EXOC6B: variants seen among roughly 807,000 people sequenced by gnomAD.
The protein encoded by EXOC6B is exocyst complex component 6B.
Under a neutral mutation model 113.5 loss-of-function variants are expected in EXOC6B, and 54 were observed. The ratio of observed to expected loss-of-function variants is 0.48; its 90% CI spans 0.38 to 0.60. The LOEUF is 0.60. Among genes scored for constraint, EXOC6B ranks in the 20% least tolerant of loss-of-function variants. EXOC6B has a pLI of 0.00. For missense variants in EXOC6B, 797 were observed against 977.5 expected (o/e 0.82, Z 2.46); for synonymous variants, 357 against 339.0 (o/e 1.05, Z -0.58).
In EXOC6B at chr2:72,266,228, T is replaced by C. The variant is rs1307625580; in HGVS notation, c.2196+68719A>G. On this transcript the variant is annotated intron_variant, in intron 20 of 21. Transcript: ENST00000272427. ...TTGCCTGTTCACTCTGATGGTAGTT[T>C]CTTTTGCTGTGCAGAAGCTCTTTAG... 1.1e-3 allele frequency among the ~76,000 whole-genome samples: 167 copies of C among 150,962 alleles called. 1 individual carries two copies. The highest frequency in any genetic ancestry group is 6.9e-3 in the Middle Eastern group (2 of 288).
chr2:72,605,969 T>C (rs1036115032), intron 6 of EXOC6B, among the ~76,000 whole-genome samples: 1 of 152,142 alleles, frequency 6.6e-6, no homozygotes, highest in Non-Finnish European at 1.5e-5. Flanking sequence ...TATATGACTT[T>C]AGATAAAATG....
At chr2:72,434,989 T>G (rs1430943875) in intron 18 of EXOC6B, among the ~76,000 whole-genome samples, 1 of 152,190 alleles carries the variant, frequency 6.6e-6, no homozygotes, top group Non-Finnish European at 1.5e-5. Flanking sequence ...TTCTTTTAAT[T>G]GTGATGTTAG....
intron 17 of EXOC6B, among the ~76,000 whole-genome samples, chr2:72,472,023 T>G (rs971456811): frequency 6.6e-6 from 1 of 152,186 alleles, no homozygotes. Flanking sequence ...AAGTTTCACA[T>G]TTACTTATTT....
At chr2:72,479,639 G>A (rs531993167) in intron 17 of EXOC6B, among the ~76,000 whole-genome samples, 2 of 152,252 alleles carry the variant, frequency 1.3e-5, no homozygotes, top group Admixed American at 1.3e-4. Flanking sequence ...TATTTTTAAT[G>A]TTTGAGATGT....
At chr2:72,506,377 C>G (rs1288748084) in intron 11 of EXOC6B, among the ~76,000 whole-genome samples, 3 of 152,030 alleles carry the variant, frequency 2.0e-5, no homozygotes, top group Non-Finnish European at 4.4e-5. Context: ...CCCTTTCCAG[C>G]TTAATGGGGG....
chr2:72,465,029 A>C, intron 18 of EXOC6B, 131 bp downstream of exon 18: 1 of 711,284 alleles, frequency 1.4e-6, no homozygotes, highest in Non-Finnish European at 2.4e-6. Flanking sequence ...AAGGTTAATA[A>C]ATATAGCATG....
At chr2:72,410,002 C>G (rs185049459) in intron 18 of EXOC6B, among the ~76,000 whole-genome samples, 2 of 152,286 alleles carry the variant, frequency 1.3e-5, no homozygotes, top group Admixed American at 1.3e-4. Flanking sequence ...AGGTGAGGGA[C>G]AAGCGCAAGT....
intron 18 of EXOC6B, among the ~76,000 whole-genome samples, chr2:72,416,102 G>C (rs1032475004): frequency 1.3e-5 from 2 of 152,170 alleles, no homozygotes; most frequent in Non-Finnish European, 2.9e-5. Flanking sequence ...TCATGGCAGA[G>C]GGATGACAGC....
At chr2:72,286,983 G>A (rs1685472517) in intron 20 of EXOC6B, among the ~76,000 whole-genome samples, 1 of 152,160 alleles carries the variant, frequency 6.6e-6, no homozygotes. Flanking sequence ...CTAAAAATGT[G>A]TCTCAGGAAA....
chr2:72,782,626 T>C (rs1482100028), intron 1 of EXOC6B, among the ~76,000 whole-genome samples: 2 of 152,200 alleles, frequency 1.3e-5, no homozygotes, highest in African/African-American at 4.8e-5. Context: ...TTAAAACTTA[T>C]TCCTTCTAAC....
chr2:72,710,933 A>T (rs1009283908), intron 6 of EXOC6B, among the ~76,000 whole-genome samples: 1 of 152,190 alleles, frequency 6.6e-6, no homozygotes, highest in Non-Finnish European at 1.5e-5. Flanking sequence ...TAATCTGGCA[A>T]AGGCAAGTTA....
intron 16 of EXOC6B, among the ~76,000 whole-genome samples, chr2:72,491,356 C>T (rs1445498543): frequency 6.6e-6 from 1 of 152,106 alleles, no homozygotes; most frequent in Non-Finnish European, 1.5e-5. Context: ...GCCCACCTGG[C>T]TTCCAGCTGT....
At chr2:72,248,798 A>G (rs554250894) in intron 20 of EXOC6B, among the ~76,000 whole-genome samples, 1 of 152,366 alleles carries the variant, frequency 6.6e-6, no homozygotes, top group African/African-American at 2.4e-5. Context: ...ACAATATAAG[A>G]CAAAACAGAA....
chr2:72,334,936 C>T lies in EXOC6B; in HGVS notation c.2196+11G>A. The T allele has an allele frequency of 6.2e-7, 1 of 1,612,846 alleles. No individual in the cohort carries two copies. On this transcript the variant is annotated intron_variant, in intron 20 of 21. Coordinates refer to ENST00000272427, the MANE Select transcript of EXOC6B (RefSeq NM_015189.3). Reference sequence around the variant, plus strand: ...AAAAGAAAAACAAAAAACAAAAACACAAAGACTTACTTGTCTCAAGTCGAT... The same window carrying T: ...AAAAGAAAAACAAAAAACAAAAACATAAAGACTTACTTGTCTCAAGTCGAT...
intron 17 of EXOC6B, among the ~76,000 whole-genome samples, chr2:72,468,098 C>A (rs1698167434): frequency 6.6e-6 from 1 of 152,000 alleles, no homozygotes; most frequent in Admixed American, 6.6e-5. Flanking sequence ...GGTTATCCTT[C>A]AACTGTTGAT....
rs565052379 is a variant in EXOC6B, at chr2:72,815,773, C to A, written c.113+10025G>T. ...GAGGGAGAACAAAATGGTACAACCTCTAAAGTGGGTAATACCTACCAAATT... is the reference window on the plus strand; with the variant it reads ...GAGGGAGAACAAAATGGTACAACCTATAAAGTGGGTAATACCTACCAAATT... On this transcript the variant is annotated intron_variant, in intron 1 of 21. Coordinates refer to ENST00000272427, the MANE Select transcript of EXOC6B (RefSeq NM_015189.3). Among the ~76,000 whole-genome samples, 7 of 152,280 alleles carry A rather than the reference C, an allele frequency of 4.6e-5. No individual in the cohort carries two copies. In the East Asian group the frequency reaches 1.4e-3, roughly 29 times the overall value.
At chr2:72,755,555 C>T (rs559182963) in intron 1 of EXOC6B, among the ~76,000 whole-genome samples, 1 of 152,062 alleles carries the variant, frequency 6.6e-6, no homozygotes, top group East Asian at 1.9e-4. Flanking sequence ...AATATTTTTA[C>T]CAAAAAGTTA....
At chr2:72,594,109 T>C (rs1003791605) in intron 6 of EXOC6B, among the ~76,000 whole-genome samples, 10 of 152,052 alleles carry the variant, frequency 6.6e-5, no homozygotes, top group Non-Finnish European at 1.2e-4. Flanking sequence ...GCTTCCCAAA[T>C]AGTTGGGACC....
chr2:72,620,192 T>A (rs1250906705), intron 6 of EXOC6B, among the ~76,000 whole-genome samples: 3 of 152,192 alleles, frequency 2.0e-5, no homozygotes, highest in African/African-American at 7.2e-5. Flanking sequence ...AGTGTGTTGC[T>A]ATGTCTAAGT....
Sources: gnomAD v4.1 joint callset for allele counts (sites outside exome capture counted in the v4.1 genomes callset) on GRCh38, gnomAD v4.1.1 for gene constraint, MANE v1.5 for transcripts, NCBI Gene and HGNC (gene_info 2026-07-23, HGNC 2026-07-21) for gene names.